The following STK3 variants were observed in gnomAD, a reference collection of about 807,000 sequenced individuals.
The protein encoded by STK3 is serine/threonine-protein kinase 3.
A neutral mutation model predicts 58.0 loss-of-function variants in STK3; 41 were observed. The observed-to-expected ratio is 0.71, with a 90% CI of 0.55 to 0.92. STK3 has a LOEUF of 0.92. Ranked by LOEUF, STK3 falls within the 40% of genes least tolerant of loss-of-function variation. The pLI is 0.00. For missense variants in STK3, 479 were observed against 602.7 expected (o/e 0.79, Z 2.15); for synonymous variants, 170 against 191.0 (o/e 0.89, Z 0.91).
chr8:98,544,224 T>C (rs1374823178), intron 9 of STK3, among the ~76,000 whole-genome samples: 1 of 152,156 alleles, frequency 6.6e-6, no homozygotes, highest in Non-Finnish European at 1.5e-5. Context: ...CATGATAGCA[T>C]TTCCCAAAAT....
intron 1 of STK3, among the ~76,000 whole-genome samples, chr8:98,818,494 C>T (rs955264872): frequency 1.3e-5 from 2 of 151,668 alleles, no homozygotes; most frequent in Non-Finnish European, 2.9e-5. Flanking sequence ...GGCTTGGTTC[C>T]ATAAACAGAG....
At chr8:98,556,785 T>A (rs1811621203) in intron 8 of STK3, among the ~76,000 whole-genome samples, 3 of 152,046 alleles carry the variant, frequency 2.0e-5, no homozygotes. Context: ...TTAGAGCCTG[T>A]ACTAAAAAGG....
At chr8:98,397,730 T>C (rs566285651), downstream of STK3, among the ~76,000 whole-genome samples, 22 of 152,040 alleles carry the variant, frequency 1.4e-4, no homozygotes, top group Non-Finnish European at 2.6e-4. Flanking sequence ...TGGAGGAAGA[T>C]GATTGGATCA....
intron 1 of STK3, among the ~76,000 whole-genome samples, chr8:98,788,394 T>C (rs1342890678): frequency 6.6e-6 from 1 of 151,652 alleles, no homozygotes; most frequent in African/African-American, 2.4e-5. Flanking sequence ...GCCCTGATTA[T>C]ACCACTGCAC....
intron 1 of STK3, among the ~76,000 whole-genome samples, chr8:98,778,228 C>A (rs1194965786): frequency 6.6e-6 from 1 of 152,184 alleles, no homozygotes; most frequent in Admixed American, 6.5e-5. Flanking sequence ...AGGATATGAA[C>A]ACACACTTCT....
At chr8:98,466,254 G>A (rs956803073) in intron 10 of STK3, among the ~76,000 whole-genome samples, 4 of 152,144 alleles carry the variant, frequency 2.6e-5, no homozygotes, top group African/African-American at 9.7e-5. Context: ...AAAAACAACA[G>A]TGGTTAAAGT....
At chr8:98,534,495 AG>A (rs1390701966) in intron 9 of STK3, among the ~76,000 whole-genome samples, 1 of 152,210 alleles carries the variant, frequency 6.6e-6, no homozygotes, top group Non-Finnish European at 1.5e-5. Flanking sequence ...CAAAATATAT[AG>A]AAGAGAAGGT....
intron 10 of STK3, among the ~76,000 whole-genome samples, chr8:98,506,962 T>C (rs1824137616): frequency 6.6e-6 from 1 of 152,158 alleles, no homozygotes; most frequent in Non-Finnish European, 1.5e-5. Flanking sequence ...AACAACACAT[T>C]TCTACTGTTT....
At chr8:98,398,813 G>A (rs562849878), downstream of STK3, among the ~76,000 whole-genome samples, 12 of 152,292 alleles carry the variant, frequency 7.9e-5, no homozygotes, top group South Asian at 6.2e-4. Flanking sequence ...GATCCACACC[G>A]CCTAGGGTCA....
intron 1 of STK3, among the ~76,000 whole-genome samples, chr8:98,815,469 A>G (rs751834964): frequency 1.4e-4 from 22 of 152,254 alleles, no homozygotes; most frequent in Non-Finnish European, 7.3e-5. Context: ...GGATGATTCC[A>G]GATCTAGGAC....
chr8:98,448,510 TGC>T (rs1819054028), intron 1 of STK3, among the ~76,000 whole-genome samples: 2 of 152,176 alleles, frequency 1.3e-5, no homozygotes, highest in Non-Finnish European at 2.9e-5. Flanking sequence ...AATGCGCAGG[TGC>T]AGGAGTGCCC....
At chr8:98,383,232 A>C (rs1817756291) in intron 1 of STK3, among the ~76,000 whole-genome samples, 1 of 152,154 alleles carries the variant, frequency 6.6e-6, no homozygotes, top group Non-Finnish European at 1.5e-5. Flanking sequence ...TTGTCATTCT[A>C]CAGATAGGGA....
intron 1 of STK3, among the ~76,000 whole-genome samples, chr8:98,887,089 T>C (rs1408528766): frequency 6.6e-6 from 1 of 151,976 alleles, no homozygotes; most frequent in Non-Finnish European, 1.5e-5. Context: ...AGAGCGAGAC[T>C]CCACCTCAAA....
At chr8:98,825,956 G>A (rs899556403), upstream of STK3, among the ~76,000 whole-genome samples, 4 of 149,080 alleles carry the variant, frequency 2.7e-5, no homozygotes, top group Non-Finnish European at 6.0e-5. Context: ...GGAGCCTGCC[G>A]CGGCCTGGGT....
the STK3 span, among the ~76,000 whole-genome samples, chr8:98,351,045 A>T: frequency 7.2e-5 from 11 of 152,254 alleles, no homozygotes; most frequent in African/African-American, 2.7e-4. Context: ...ATGAAATAAC[A>T]TATTTAAGGT....
Position 98,597,680 on chromosome 8 carries a change from T to G in STK3, c.685-1511A>C, listed in dbSNP as rs994803714. 9.1e-6 allele frequency: 9 copies of G among 985,320 alleles called. No individual in the cohort carries two copies. The African/African-American group carries it at 1.6e-4, about 17-fold the overall frequency. The allele number at this position is 985,320 out of a possible 1,614,324, so 61.0% of individuals were successfully genotyped here. On this transcript the variant is annotated intron_variant, in intron 6 of 10. Transcript: ENST00000419617. ...AAACTAGGACATATGTTCTTCCTTT[T>G]GCGTGAGCTCTATCTAGCCTGGCTC...
intron 1 of STK3, among the ~76,000 whole-genome samples, chr8:98,778,153 A>C (rs953041684): frequency 1.3e-5 from 2 of 152,238 alleles, no homozygotes; most frequent in African/African-American, 4.8e-5. Flanking sequence ...TAATATCCAG[A>C]ATCTACGATG....
chr8:98,699,257 A>T (rs1364329856), intron 6 of STK3, among the ~76,000 whole-genome samples: 1 of 152,204 alleles, frequency 6.6e-6, no homozygotes, highest in East Asian at 1.9e-4. Context: ...CTAGTTATAC[A>T]TTCTTCTAAA....
At chr8:98,772,762 C>T (rs1272647596) in intron 2 of STK3, among the ~76,000 whole-genome samples, 2 of 152,110 alleles carry the variant, frequency 1.3e-5, no homozygotes, top group African/African-American at 4.8e-5. Context: ...CTTGCTCCTG[C>T]TCTCACCATG....
Sources: gnomAD v4.1 joint callset for allele counts (sites outside exome capture counted in the v4.1 genomes callset) on GRCh38, gnomAD v4.1.1 for gene constraint, MANE v1.5 for transcripts, NCBI Gene and HGNC (gene_info 2026-07-23, HGNC 2026-07-21) for gene names.